The following HTT-AS variants were observed in gnomAD, a reference collection of about 807,000 sequenced individuals.
The protein encoded by HTT-AS is HTT antisense RNA (head to head).
chr4:3,057,279 C>T (rs1056562097), intron 2 of HTT-AS, among the ~76,000 whole-genome samples: 5 of 152,028 alleles, frequency 3.3e-5, no homozygotes, highest in South Asian at 2.1e-4. Context: ...GTGATCTGCC[C>T]GCCTCGGCCT....
chr4:3,073,778 C>G, intron 1 of HTT-AS, among the ~76,000 whole-genome samples: 1 of 152,298 alleles, frequency 6.6e-6, no homozygotes, highest in Middle Eastern at 3.4e-3. Context: ...CGCGCATTCT[C>G]TGCGCTCTGC....
At chr4:3,063,951 G>T (rs1711992694) in intron 1 of HTT-AS, among the ~76,000 whole-genome samples, 1 of 152,082 alleles carries the variant, frequency 6.6e-6, no homozygotes, top group Non-Finnish European at 1.5e-5. Context: ...AAAATCCTGA[G>T]AACTTCCTGG....
At chr4:3,072,511 A>C (rs910382047) in intron 1 of HTT-AS, among the ~76,000 whole-genome samples, 3 of 152,226 alleles carry the variant, frequency 2.0e-5, no homozygotes, top group African/African-American at 7.2e-5. Context: ...GGGTGTCAAT[A>C]CCAGGAGGTG....
At chr4:3,048,822 T>C (rs373008529), downstream of HTT-AS, among the ~76,000 whole-genome samples, 97 of 152,312 alleles carry the variant, frequency 6.4e-4, 2 homozygotes, top group South Asian at 0.02. Context: ...CTCTAAACCA[T>C]GGAAAAGTGA....
chr4:3,058,476 C>T (rs113881738), intron 2 of HTT-AS, among the ~76,000 whole-genome samples: 57 of 152,336 alleles, frequency 3.7e-4, no homozygotes, highest in African/African-American at 7.5e-4. Context: ...CCAGAGATCC[C>T]TTTCATTGCC....
At chr4:3,069,304 C>A (rs1029451951) in intron 1 of HTT-AS, among the ~76,000 whole-genome samples, 1 of 148,296 alleles carries the variant, frequency 6.7e-6, no homozygotes, top group Non-Finnish European at 1.5e-5. Flanking sequence ...TGCCACCACA[C>A]CTGGCTAATT....
intron 2 of HTT-AS, among the ~76,000 whole-genome samples, chr4:3,059,940 C>T (rs1258901427): frequency 2.6e-5 from 3 of 115,064 alleles, no homozygotes; most frequent in African/African-American, 6.8e-5. Flanking sequence ...TTTTTTGAGA[C>T]GGAGTCTCAT....
At chr4:3,064,466 A>C (rs1465034913) in intron 1 of HTT-AS, among the ~76,000 whole-genome samples, 4 of 152,218 alleles carry the variant, frequency 2.6e-5, no homozygotes, top group East Asian at 1.9e-4. Flanking sequence ...AAGAAACTAA[A>C]AATACACAAA....
At chr4:3,056,483 T>C (rs1711806353) in intron 2 of HTT-AS, among the ~76,000 whole-genome samples, 1 of 152,202 alleles carries the variant, frequency 6.6e-6, no homozygotes, top group African/African-American at 2.4e-5. Context: ...GTGCGTAAGT[T>C]ACAGTTTCAA....
downstream of HTT-AS, among the ~76,000 whole-genome samples, chr4:3,047,800 A>T (rs1214083134): frequency 6.6e-6 from 1 of 152,194 alleles, no homozygotes; most frequent in Admixed American, 6.5e-5. Flanking sequence ...CTCCTGTTTC[A>T]CTTTCATGTT....
chr4:3,047,811 C>T (rs951173357), downstream of HTT-AS, among the ~76,000 whole-genome samples: 13 of 152,228 alleles, frequency 8.5e-5, no homozygotes, highest in African/African-American at 2.9e-4. Context: ...CTTTCATGTT[C>T]CGCTCTGTAC....
chr4:3,048,275 C>T (rs1711637166), downstream of HTT-AS, among the ~76,000 whole-genome samples: 1 of 152,188 alleles, frequency 6.6e-6, no homozygotes, highest in South Asian at 2.1e-4. Context: ...CAGTTACCAT[C>T]GTTTTGGGTT....
chr4:3,056,335 A>G (rs1257173045), intron 2 of HTT-AS, among the ~76,000 whole-genome samples: 1 of 152,236 alleles, frequency 6.6e-6, no homozygotes, highest in East Asian at 1.9e-4. Flanking sequence ...AAAAACGGGA[A>G]GTGACGTACA....
chr4:3,050,065 A>G (rs1449230014), intron 2 of HTT-AS, among the ~76,000 whole-genome samples: 2 of 151,828 alleles, frequency 1.3e-5, no homozygotes, highest in African/African-American at 4.8e-5. Context: ...AATTTGGATT[A>G]CTTTATCTTT....
intron 2 of HTT-AS, among the ~76,000 whole-genome samples, chr4:3,049,756 A>AACCT (rs762509005): frequency 2.2e-4 from 33 of 152,228 alleles, no homozygotes; most frequent in Non-Finnish European, 4.1e-4. Context: ...GTAGCATAAT[A>AACCT]ACCTACTGTT....
chr4:3,059,564 T>C (rs572986541), intron 2 of HTT-AS, among the ~76,000 whole-genome samples: 18 of 152,314 alleles, frequency 1.2e-4, no homozygotes, highest in African/African-American at 3.8e-4. Context: ...ACCAATTTTC[T>C]ATTTTTGGAC....
chr4:3,060,866 A>G (rs893146938), intron 2 of HTT-AS, among the ~76,000 whole-genome samples: 1 of 152,208 alleles, frequency 6.6e-6, no homozygotes, highest in African/African-American at 2.4e-5. Flanking sequence ...TTTGCATGCT[A>G]TGTAAACATT....
intron 1 of HTT-AS, among the ~76,000 whole-genome samples, chr4:3,071,579 C>T (rs916579930): frequency 6.6e-6 from 1 of 152,174 alleles, no homozygotes; most frequent in African/African-American, 2.4e-5. Flanking sequence ...TAAAGAAGGT[C>T]AGAGCGGCTG....
At position 3,070,630 on chromosome 4, in the gene HTT-AS, G is replaced by C. The variant is rs377109932; in HGVS notation, n.113+3796C>G. 4.6e-5 allele frequency among the ~76,000 whole-genome samples: 7 copies of C among 152,236 alleles called. No homozygotes were observed. The South Asian group carries it at 1.0e-3, about 23-fold the overall frequency. On this transcript the variant is annotated intron_variant and non_coding_transcript_variant, in intron 1 of 2. Coordinates refer to ENST00000664062, the Ensembl canonical transcript of HTT-AS. ...GTGTACGCTGTTTTTTCTTTAGAAT[G>C]GGGGACGTTATCAGGCTCTACATGG...
Sources: gnomAD v4.1 joint callset for allele counts (sites outside exome capture counted in the v4.1 genomes callset) on GRCh38, gnomAD v4.1.1 for gene constraint, MANE v1.5 for transcripts, NCBI Gene and HGNC (gene_info 2026-07-23, HGNC 2026-07-21) for gene names.